Variants in STK3 observed in about 807,000 individuals in gnomAD.
The protein encoded by STK3 is serine/threonine-protein kinase 3.
STK3 carries 41 observed loss-of-function variants against 58.0 expected under a neutral mutation model. That is an observed-to-expected ratio of 0.71 (90% CI 0.55 to 0.92). The LOEUF (loss-of-function observed/expected upper bound fraction) is 0.92. STK3 is among the 40% of genes least tolerant of loss of function. The pLI is 0.00. For missense variants in STK3, 479 were observed against 602.7 expected (o/e 0.79, Z 2.15); for synonymous variants, 170 against 191.0 (o/e 0.89, Z 0.91).
rs1831554796 is a variant in STK3 at position 98,774,777 on chromosome 8, A to T, written c.69T>A (p.Pro23=). 1.3e-6 allele frequency: 2 copies of T among 1,585,710 alleles called. No individual in the cohort carries two copies. Among genetic ancestry groups the T allele is most frequent in the Non-Finnish European group, 1.7e-6 (2 of 1,167,880 alleles). Residue 23 remains proline, a synonymous_variant, in exon 2 of 11, where the codon CCT becomes CCA. Transcript: ENST00000419617. ...TCTCTAATACATCAAAAACTTCTTC[A>T]GGCTGCTTAGTCAAACTGTCTTCAC... is the stretch of plus-strand genomic sequence containing the variant. ...KLSEDSLTKQ[P]EEVFDVLEKL...
intron 4 of STK3, among the ~76,000 whole-genome samples, chr8:98,738,913 T>C (rs1005677791): frequency 6.6e-6 from 1 of 152,214 alleles, no homozygotes; most frequent in Non-Finnish European, 1.5e-5. Flanking sequence ...CCGACGCGCT[T>C]AAAAAACGGT....
intron 6 of STK3, among the ~76,000 whole-genome samples, chr8:98,643,176 A>C (rs1217833748): frequency 6.6e-6 from 1 of 152,214 alleles, no homozygotes; most frequent in Non-Finnish European, 1.5e-5. Flanking sequence ...GCAGTGAGAC[A>C]TGATTGCTCT....
At chr8:98,729,193 C>T (rs955252256) in intron 4 of STK3, among the ~76,000 whole-genome samples, 3 of 152,190 alleles carry the variant, frequency 2.0e-5, no homozygotes, top group Non-Finnish European at 4.4e-5. Flanking sequence ...TCACTGCAAC[C>T]TCTGCCTCCT....
upstream of STK3, among the ~76,000 whole-genome samples, chr8:98,829,894 G>A (rs1835461996): frequency 6.6e-6 from 1 of 152,176 alleles, no homozygotes; most frequent in African/African-American, 2.4e-5. Context: ...TTGAAAACTG[G>A]TAAGGAAGAA....
chr8:98,363,068 T>A, the STK3 span, among the ~76,000 whole-genome samples: 4,162 of 152,284 alleles, frequency 0.027, 218 homozygotes, highest in African/African-American at 0.093. Flanking sequence ...TACTCCACCC[T>A]CTTCACAAAC....
chr8:98,489,065 G>A (rs1822497153), intron 10 of STK3, among the ~76,000 whole-genome samples: 1 of 152,134 alleles, frequency 6.6e-6, no homozygotes, highest in Non-Finnish European at 1.5e-5. Flanking sequence ...TGAGCTGGAA[G>A]GAGTGGGGCT....
At chr8:98,828,255 C>T (rs545656627), upstream of STK3, among the ~76,000 whole-genome samples, 1 of 152,036 alleles carries the variant, frequency 6.6e-6, no homozygotes, top group Non-Finnish European at 1.5e-5. Context: ...TGATTACAGG[C>T]ATGAGCCACT....
downstream of STK3, among the ~76,000 whole-genome samples, chr8:98,454,400 T>C (rs1423956413): frequency 6.6e-6 from 1 of 152,058 alleles, no homozygotes; most frequent in African/African-American, 2.4e-5. Flanking sequence ...ATATCTCAGA[T>C]GGTTGAGGCC....
intron 6 of STK3, among the ~76,000 whole-genome samples, chr8:98,683,927 T>C (rs1823804000): frequency 6.6e-6 from 1 of 152,206 alleles, no homozygotes; most frequent in South Asian, 2.1e-4. Flanking sequence ...CAAGGAATCC[T>C]TGTTTCAAGG....
chr8:98,866,171 A>G (rs978738055), intron 3 of STK3, among the ~76,000 whole-genome samples: 2 of 152,222 alleles, frequency 1.3e-5, no homozygotes, highest in African/African-American at 4.8e-5. Context: ...CTGTTGAGAG[A>G]GTGTGTCTAG....
chr8:98,759,934 C>T (rs1473801349), intron 3 of STK3, among the ~76,000 whole-genome samples: 3 of 152,090 alleles, frequency 2.0e-5, no homozygotes, highest in African/African-American at 4.8e-5. Context: ...ATACATCCTC[C>T]AGTATACTTT....
Position 98,825,531 on chromosome 8 carries a change from G to A in STK3, c.10C>T (p.Pro4Ser). MEQ[P>S]PAPKSKLKKL... ...ATTCGTTACCTCTTAGGCGCCGGCG[G>A]CTGCTCCATGGCGGCCGGGGACAGA... Residue 4 changes from proline (P) to serine (S), a missense_variant, in exon 1 of 11, where the codon CCG (proline) becomes TCG (serine). Coordinates refer to ENST00000419617, the MANE Select transcript of STK3 (RefSeq NM_006281.4). 6.9e-7 allele frequency: 1 copy of A among 1,457,788 alleles called. No homozygotes were observed. Among genetic ancestry groups the A allele is most frequent in the Non-Finnish European group, 9.1e-7 (1 of 1,099,868 alleles). The allele number at this position is 1,457,788 out of a possible 1,614,324, so 90.3% of individuals were successfully genotyped here.
At chr8:98,893,464 AAGAAAGAAAGAAAGAAAGAAAG>A (rs1214981341) in intron 1 of STK3, among the ~76,000 whole-genome samples, 244 of 106,374 alleles carry the variant, frequency 2.3e-3, no homozygotes, top group Admixed American at 3.6e-3. Flanking sequence ...GAAAGAAAGA[AAGAAAGAAAGAAAGAAAGAAAG>A]AGAAAGAAAG....
intron 6 of STK3, among the ~76,000 whole-genome samples, chr8:98,694,354 T>A (rs139587205): frequency 2.7e-4 from 41 of 152,226 alleles, no homozygotes; most frequent in Middle Eastern, 3.4e-3. Context: ...CTAAAATAAT[T>A]CTTTTTTTTT....
intron 1 of STK3, among the ~76,000 whole-genome samples, chr8:98,441,578 A>G (rs1029374600): frequency 2.6e-5 from 4 of 152,190 alleles, no homozygotes; most frequent in African/African-American, 9.7e-5. Context: ...ATAAATCAGC[A>G]CAAACATAAA....
intron 4 of STK3, among the ~76,000 whole-genome samples, chr8:98,748,805 T>C (rs915496756): frequency 4.0e-5 from 6 of 151,842 alleles, no homozygotes; most frequent in African/African-American, 1.4e-4. Flanking sequence ...CTTTCACACA[T>C]CCTGACAATA....
intron 1 of STK3, among the ~76,000 whole-genome samples, chr8:98,442,351 T>G (rs1022099324): frequency 2.0e-5 from 3 of 152,392 alleles, no homozygotes; most frequent in East Asian, 3.9e-4. Flanking sequence ...GGTCGAGGCA[T>G]GGGCCATAGT....
At chr8:98,398,654 A>C (rs1345794169), downstream of STK3, among the ~76,000 whole-genome samples, 1 of 152,118 alleles carries the variant, frequency 6.6e-6, no homozygotes, top group African/African-American at 2.4e-5. Flanking sequence ...CTCACATTCC[A>C]TCTGCATGCT....
At chr8:98,761,593 A>T (rs1563973393) in intron 3 of STK3, among the ~76,000 whole-genome samples, 1 of 152,210 alleles carries the variant, frequency 6.6e-6, no homozygotes, top group Non-Finnish European at 1.5e-5. Context: ...TCTTACTATA[A>T]TCTTAGTAGT....
Sources: allele counts gnomAD v4.1 joint callset (sites outside exome capture counted in the v4.1 genomes callset), GRCh38; gene constraint gnomAD v4.1.1; transcripts MANE v1.5; gene names NCBI Gene and HGNC (gene_info 2026-07-23, HGNC 2026-07-21).